KIAA1328: variants seen among roughly 807,000 people sequenced by gnomAD.
The protein encoded by KIAA1328 is protein hinderin.
A neutral mutation model predicts 68.1 loss-of-function variants in KIAA1328; 52 were observed. That is an observed-to-expected ratio of 0.76 (90% CI 0.61 to 0.96). The LOEUF (loss-of-function observed/expected upper bound fraction) is 0.96, where lower values mean the gene tolerates loss of function less well. Ranked by LOEUF, KIAA1328 falls within the 40% of genes least tolerant of loss-of-function variation. KIAA1328 has a pLI of 0.00. For synonymous variants in KIAA1328, 232 were observed against 239.4 expected (o/e 0.97, Z 0.28); for missense variants, 641 against 677.6 (o/e 0.95, Z 0.60).
At chr18:37,194,015 G>A (rs1383958671) in intron 9 of KIAA1328, among the ~76,000 whole-genome samples, 1 of 152,110 alleles carries the variant, frequency 6.6e-6, no homozygotes, top group Non-Finnish European at 1.5e-5. Flanking sequence ...TTAACCAGTC[G>A]ACTAGAATGG....
intron 6 of KIAA1328, among the ~76,000 whole-genome samples, chr18:37,049,279 C>T (rs1362164058): frequency 6.6e-6 from 1 of 152,080 alleles, no homozygotes; most frequent in Non-Finnish European, 1.5e-5. Flanking sequence ...TGGGAAGGCA[C>T]AACTAGTCTG....
At chr18:37,213,511 G>C (rs1012592306) in intron 9 of KIAA1328, among the ~76,000 whole-genome samples, 1 of 152,164 alleles carries the variant, frequency 6.6e-6, no homozygotes, top group Non-Finnish European at 1.5e-5. Context: ...GTATTCCATG[G>C]TGTATATGTG....
At chr18:37,177,206 G>C (rs962150535) in intron 9 of KIAA1328, among the ~76,000 whole-genome samples, 1 of 152,106 alleles carries the variant, frequency 6.6e-6, no homozygotes, top group Admixed American at 6.5e-5. Context: ...TTTCTATTCA[G>C]ATGTGTAGAT....
chr18:36,983,351 T>C (rs1474897435), intron 6 of KIAA1328, among the ~76,000 whole-genome samples: 1 of 152,040 alleles, frequency 6.6e-6, no homozygotes, highest in Non-Finnish European at 1.5e-5. Context: ...GGAGTATTAC[T>C]GGGATCAGTA....
intron 6 of KIAA1328, among the ~76,000 whole-genome samples, chr18:37,004,732 C>T (rs1377888685): frequency 2.6e-5 from 4 of 152,060 alleles, no homozygotes; most frequent in East Asian, 3.9e-4. Context: ...CATTTGATCC[C>T]GCAATCCCCA....
chr18:36,960,511 A>T (rs1308796459), intron 6 of KIAA1328, among the ~76,000 whole-genome samples: 1 of 152,170 alleles, frequency 6.6e-6, no homozygotes, highest in African/African-American at 2.4e-5. Flanking sequence ...CCTCAAGTGG[A>T]TCCCTGACCA....
At chr18:37,042,164 C>T (rs1179918831) in intron 6 of KIAA1328, among the ~76,000 whole-genome samples, 1 of 152,120 alleles carries the variant, frequency 6.6e-6, no homozygotes, top group Admixed American at 6.6e-5. Flanking sequence ...TCCCAAAATT[C>T]TGGGATTGCA....
In KIAA1328 at chr18:37,180,283, G is replaced by A. The variant is rs2059675416; in HGVS notation, c.1523+7202G>A. 2.0e-5 allele frequency among the ~76,000 whole-genome samples: 3 copies of A among 152,102 alleles called. No individual in the cohort carries two copies. The South Asian group carries it at 6.2e-4, about 31-fold the overall frequency. ...GTAGTATTATCCGATTTGACAATGA[G>A]GAAATAAGAACTAAAGGAGACTGAG... On this transcript the variant is annotated intron_variant, in intron 9 of 9. Transcript: ENST00000280020.
chr18:37,151,320 G>A (rs527600185), intron 7 of KIAA1328, among the ~76,000 whole-genome samples: 33 of 152,112 alleles, frequency 2.2e-4, no homozygotes, highest in African/African-American at 7.9e-4. Flanking sequence ...TTGACCAGTC[G>A]GTATTGTTAT....
chr18:36,898,402 G>A (rs1256670131), intron 5 of KIAA1328, among the ~76,000 whole-genome samples: 1 of 151,808 alleles, frequency 6.6e-6, no homozygotes, highest in African/African-American at 2.4e-5. Flanking sequence ...AGTCAGCTAG[G>A]AATTGCTAAA....
At chr18:37,200,812 C>T (rs999419915) in intron 9 of KIAA1328, among the ~76,000 whole-genome samples, 27 of 142,370 alleles carry the variant, frequency 1.9e-4, no homozygotes, top group African/African-American at 6.3e-4. Flanking sequence ...AGCGAGACTC[C>T]GTCTCAAAAA....
chr18:36,985,314 C>G (rs2052872551), intron 6 of KIAA1328, among the ~76,000 whole-genome samples: 1 of 152,088 alleles, frequency 6.6e-6, no homozygotes, highest in Non-Finnish European at 1.5e-5. Context: ...AATAAAGATT[C>G]AGTGCAATTC....
At chr18:37,114,391 A>C (rs966568202) in intron 7 of KIAA1328, among the ~76,000 whole-genome samples, 3 of 152,208 alleles carry the variant, frequency 2.0e-5, no homozygotes, top group Non-Finnish European at 1.5e-5. Context: ...AAACTGAACA[A>C]CCTGCTCCTG....
Position 36,834,369 on chromosome 18 carries a change from T to G in KIAA1328, c.94+14T>G. 6.4e-7 allele frequency: 1 copy of G among 1,574,004 alleles called. No individual in the cohort carries two copies. The highest frequency in any genetic ancestry group is 8.6e-7 in the Non-Finnish European group (1 of 1,161,982). Reference sequence around the variant, plus strand: ...TATACGTTCCAGGTATGATTTTCTATGTTAAAATTTGGGAAGCTTACTTTG... The same window carrying G: ...TATACGTTCCAGGTATGATTTTCTAGGTTAAAATTTGGGAAGCTTACTTTG... On this transcript the variant is annotated intron_variant, in intron 2 of 9. Coordinates refer to ENST00000280020, the MANE Select transcript of KIAA1328 (RefSeq NM_020776.3).
chr18:37,172,990 A>T lies in KIAA1328; in HGVS notation c.1432A>T (p.Arg478Ter), dbSNP rs1424305448. Residue 478 changes from arginine to a stop codon, truncating the protein, a stop_gained, in exon 9 of 10, where the codon AGA (arginine) becomes TGA (stop). Coordinates refer to ENST00000280020, the MANE Select transcript of KIAA1328 (RefSeq NM_020776.3). LOFTEE classifies it high-confidence loss of function. ...RPQRGTVTGV[R>*]KDASTSPMPT... ...TCATATAGGGACAGTGACAGGAGTT[A>T]GAAAAGATGCGTCTACATCTCCTAT... The T allele has an allele frequency of 6.2e-7, 1 of 1,612,744 alleles. No individual in the cohort carries two copies. The highest frequency in any genetic ancestry group is 1.1e-5 in the South Asian group (1 of 90,832).
intron 6 of KIAA1328, among the ~76,000 whole-genome samples, chr18:37,020,392 G>A (rs978376611): frequency 1.3e-5 from 2 of 152,014 alleles, no homozygotes; most frequent in Non-Finnish European, 2.9e-5. Flanking sequence ...CAAAATGCTG[G>A]GATTACAGGC....
intron 7 of KIAA1328, among the ~76,000 whole-genome samples, chr18:37,091,055 T>G (rs182572139): frequency 6.6e-6 from 1 of 152,150 alleles, no homozygotes. Flanking sequence ...CTACCTTAAA[T>G]AGGCAACTCT....
chr18:36,973,779 A>G (rs1418408415), intron 6 of KIAA1328, among the ~76,000 whole-genome samples: 1 of 150,988 alleles, frequency 6.6e-6, no homozygotes, highest in African/African-American at 2.4e-5. Flanking sequence ...GCTACCAGGG[A>G]CACAGTTTTA....
chr18:37,206,933 CA>C (rs2060227258), intron 9 of KIAA1328, among the ~76,000 whole-genome samples: 1 of 152,020 alleles, frequency 6.6e-6, no homozygotes, highest in Non-Finnish European at 1.5e-5. Context: ...CCTTTGAGTA[CA>C]ATGCTGAATT....
Sources: allele counts gnomAD v4.1 joint callset (sites outside exome capture counted in the v4.1 genomes callset), GRCh38; gene constraint gnomAD v4.1.1; transcripts MANE v1.5; gene names NCBI Gene and HGNC (gene_info 2026-07-23, HGNC 2026-07-21).